Variants in FAM186A observed in about 807,000 individuals in gnomAD.
FAM186A encodes the protein family with sequence similarity 186 member A.
In FAM186A, 163 loss-of-function variants were observed where a neutral mutation model predicts 216.8. That is an observed-to-expected ratio of 0.75 (90% CI 0.66 to 0.86). FAM186A has a LOEUF of 0.86. Among genes scored for constraint, FAM186A ranks in the 40% least tolerant of loss-of-function variants. FAM186A has a pLI of 0.00. For synonymous variants in FAM186A, 805 were observed against 1,025.3 expected (o/e 0.79, Z 4.10); for missense variants, 2,184 against 2,746.2 (o/e 0.80, Z 4.58).
chr12:50,395,141 C>A (rs969936415), intron 1 of FAM186A, among the ~76,000 whole-genome samples: 2 of 152,154 alleles, frequency 1.3e-5, no homozygotes, highest in Non-Finnish European at 2.9e-5. Context: ...GTCACCCATG[C>A]TGAGTGGGGT....
chr12:50,363,303 G>T lies in FAM186A; in HGVS notation c.254C>A (p.Thr85Asn). The change falls in exon 2 of 8, where the codon ACT (threonine) becomes AAT (asparagine). Residue 85 changes from threonine to asparagine, a missense_variant. Physicochemically the swap from Thr to Asn is moderately conservative, Grantham distance 65 (BLOSUM62 0). Coordinates refer to ENST00000327337, the MANE Select transcript of FAM186A (RefSeq NM_001145475.3). ...NNVHRIMTRY[T>N]LVFNSSSERN... ...TTCAGAGGACGAGTTAAAAACAAGA[G>T]TATAGCGAGTCATTATCCGATGCAC... The T allele has an allele frequency of 6.4e-7, 1 of 1,551,522 alleles. No homozygotes were observed.
Position 50,327,322 on chromosome 12 carries a change from T to C in FAM186A, c.*61A>G. 1.5e-6 allele frequency: 2 copies of C among 1,352,140 alleles called. No homozygotes were observed. Among genetic ancestry groups the C allele is most frequent in the Non-Finnish European group, 2.1e-6 (2 of 967,210 alleles). 83.8% of individuals were successfully genotyped at this position (1,352,140 alleles called of 1,614,324 possible). A position where few individuals can be genotyped will look rare whatever the true frequency, so the allele number is the denominator to read the frequency against. ...TATATACGCATGAAAGAGAACAAAA[T>C]AGGCATTTTACTGAAAGATACTGAA... On this transcript the variant is annotated 3_prime_UTR_variant, in exon 8 of 8. Coordinates refer to ENST00000327337, the MANE Select transcript of FAM186A (RefSeq NM_001145475.3).
intron 5 of FAM186A, among the ~76,000 whole-genome samples, chr12:50,332,060 C>T (rs1204508141): frequency 6.6e-6 from 1 of 152,174 alleles, no homozygotes; most frequent in Non-Finnish European, 1.5e-5. Context: ...TGCTGTGAGA[C>T]TTTGGGATAG....
rs565068892 is a variant in FAM186A at position 50,393,135 on chromosome 12, C to T, written c.192+3158G>A. 9.2e-5 allele frequency among the ~76,000 whole-genome samples: 14 copies of T among 151,674 alleles called. No individual in the cohort carries two copies. The South Asian group carries it at 2.7e-3, about 29-fold the overall frequency. ...TAGAGACGGGGTTTCGCCGTGTTAG[C>T]GAGAATGGTCTCGATCTCCCGACCT... On this transcript the variant is annotated intron_variant, in intron 1 of 7. Transcript: ENST00000327337.
chr12:50,329,131 A>C (rs537935942), intron 7 of FAM186A, among the ~76,000 whole-genome samples: 3 of 152,280 alleles, frequency 2.0e-5, no homozygotes, highest in African/African-American at 7.2e-5. Flanking sequence ...AAAATGAATA[A>C]ATAAATAAAA....
intron 1 of FAM186A, among the ~76,000 whole-genome samples, chr12:50,378,542 T>C (rs1057121985): frequency 5.6e-5 from 6 of 107,102 alleles, no homozygotes; most frequent in African/African-American, 1.8e-4. Flanking sequence ...AATATATATA[T>C]ACATATATGT....
chr12:50,346,997 C>A (rs1288614610), intron 4 of FAM186A, among the ~76,000 whole-genome samples: 9 of 131,764 alleles, frequency 6.8e-5, no homozygotes, highest in African/African-American at 2.3e-4. Flanking sequence ...GACTCTGTCT[C>A]AAAAAAAAAA....
At position 50,354,337 on chromosome 12, in the gene FAM186A, T is replaced by C. The variant is rs1942948199; in HGVS notation, c.2495A>G (p.Glu832Gly). The C allele has an allele frequency of 6.4e-7, 1 of 1,551,734 alleles. No individual in the cohort carries two copies. The highest frequency in any genetic ancestry group is 8.7e-7 in the Non-Finnish European group (1 of 1,147,008). Residue 832 changes from glutamate to glycine, a missense_variant, in exon 4 of 8, where the codon GAA becomes GGA. Coordinates refer to ENST00000327337, the MANE Select transcript of FAM186A (RefSeq NM_001145475.3). ...RQEQYLQEGQEQMSGMSLKQQ... is the reference protein window; with the variant it reads ...RQEQYLQEGQGQMSGMSLKQQ... ...TTTGAGACTCATGCCAGACATTTGT[T>C]CTTGACCCTCTTGCAAATATTGCTC...
intron 1 of FAM186A, among the ~76,000 whole-genome samples, chr12:50,377,485 C>G (rs1343808954): frequency 6.6e-6 from 1 of 152,148 alleles, no homozygotes; most frequent in Non-Finnish European, 1.5e-5. Context: ...AAAATACGAA[C>G]TTGGGTTAAG....
At chr12:50,375,901 G>A (rs1943193290) in intron 1 of FAM186A, among the ~76,000 whole-genome samples, 1 of 152,076 alleles carries the variant, frequency 6.6e-6, no homozygotes, top group African/African-American at 2.4e-5. Flanking sequence ...CTCAGATCGT[G>A]ATACCGGCCC....
At chr12:50,363,482 A>G (rs973134776) in intron 1 of FAM186A, 118 bp from the exon 2 acceptor site, 1 of 913,626 alleles carries the variant, frequency 1.1e-6, no homozygotes, top group African/African-American at 1.7e-5. Context: ...AAGTCTTGCT[A>G]ATTCTAGCTT....
At chr12:50,375,476 G>C (rs962395705) in intron 1 of FAM186A, among the ~76,000 whole-genome samples, 1 of 151,182 alleles carries the variant, frequency 6.6e-6, no homozygotes, top group African/African-American at 2.4e-5. Context: ...TTGAACCCGG[G>C]AGGCAGAGGT....
chr12:50,362,196 C>T (rs1032273781), intron 2 of FAM186A, among the ~76,000 whole-genome samples: 1 of 151,840 alleles, frequency 6.6e-6, no homozygotes, highest in African/African-American at 2.4e-5. Flanking sequence ...TGGTCTTGAA[C>T]TCCTGAGCTC....
Position 50,396,388 on chromosome 12 carries a change from G to A in FAM186A, c.97C>T (p.Leu33Phe). Residue 33 changes from leucine to phenylalanine, a missense_variant, in exon 1 of 8, where the codon CTT becomes TTT. This residue lies in a region of FAM186A where 1,132 missense variants were observed against 1,263.4 expected (regional missense o/e 0.90). Coordinates refer to ENST00000327337, the MANE Select transcript of FAM186A (RefSeq NM_001145475.3). Reference sequence around the variant, plus strand: ...AGGTTAGGGAGCATCAAAGGACTAAGGATATTTTGGGGCTCTCTTCTCATG... The same window carrying A: ...AGGTTAGGGAGCATCAAAGGACTAAAGATATTTTGGGGCTCTCTTCTCATG... ...TIMRREPQNI[L>F]SPLMLPNLEI... 6.4e-7 allele frequency: 1 copy of A among 1,551,594 alleles called. No homozygotes were observed. The highest frequency in any genetic ancestry group is 8.7e-7 in the Non-Finnish European group (1 of 1,146,968).
intron 1 of FAM186A, among the ~76,000 whole-genome samples, chr12:50,392,804 GGTTTCACGGT>G (rs1431166108): frequency 6.8e-6 from 1 of 146,588 alleles, no homozygotes; most frequent in African/African-American, 2.5e-5. Flanking sequence ...GTAGAGACGG[GGTTTCACGGT>G]GTTAGCCAAA....
intron 1 of FAM186A, among the ~76,000 whole-genome samples, chr12:50,393,315 A>T (rs1030368955): frequency 2.0e-5 from 3 of 151,894 alleles, no homozygotes; most frequent in African/African-American, 7.3e-5. Flanking sequence ...AGGCGGGAGG[A>T]TCACCTGAGG....
chr12:50,337,659 A>C (rs1296212461), intron 4 of FAM186A, among the ~76,000 whole-genome samples: 2 of 151,574 alleles, frequency 1.3e-5, no homozygotes, highest in Admixed American at 6.6e-5. Context: ...GCACTTTGGG[A>C]GGCTGAGGCG....
chr12:50,367,314 C>T (rs183370054), intron 1 of FAM186A, among the ~76,000 whole-genome samples: 14 of 151,710 alleles, frequency 9.2e-5, no homozygotes, highest in East Asian at 1.9e-4. Flanking sequence ...GTCAGGAGAT[C>T]GAGACCATCC....
intron 4 of FAM186A, among the ~76,000 whole-genome samples, chr12:50,336,814 T>A (rs746255442): frequency 6.6e-6 from 1 of 151,432 alleles, no homozygotes; most frequent in Non-Finnish European, 1.5e-5. Context: ...GGAGTTTGGA[T>A]CTTCTCTTAT....
Sources: allele counts gnomAD v4.1 joint callset (sites outside exome capture counted in the v4.1 genomes callset), GRCh38; gene constraint gnomAD v4.1.1; regional missense constraint gnomAD v4.1.1; transcripts MANE v1.5; gene names NCBI Gene and HGNC (gene_info 2026-07-23, HGNC 2026-07-21).